Variants in PARVB observed in about 807,000 individuals in gnomAD.
PARVB encodes parvin beta.
PARVB carries 46 observed loss-of-function variants against 47.0 expected under a neutral mutation model. The observed-to-expected ratio is 0.98, with a 90% CI of 0.77 to 1.25. The LOEUF (loss-of-function observed/expected upper bound fraction) is 1.25. PARVB is among the 50% of genes most tolerant of loss of function. The pLI is 0.00. For missense variants in PARVB, 473 were observed against 471.6 expected (o/e 1.00, Z -0.03); for synonymous variants, 196 against 196.3 (o/e 1.00, Z 0.01).
At chr22:44,064,203 G>C (rs544257734) in intron 1 of PARVB, among the ~76,000 whole-genome samples, 4 of 152,324 alleles carry the variant, frequency 2.6e-5, no homozygotes, top group African/African-American at 7.2e-5. Flanking sequence ...ACCAGCCCTC[G>C]GTGCAGCCAG....
chr22:44,041,487 C>G (rs892826617), intron 1 of PARVB, among the ~76,000 whole-genome samples: 1 of 151,738 alleles, frequency 6.6e-6, no homozygotes, highest in East Asian at 1.9e-4. Context: ...GCAAGACTCC[C>G]TCTCAAAAAA....
At chr22:44,024,180 C>A, upstream of PARVB, 1 of 228,918 alleles carries the variant, frequency 4.4e-6, no homozygotes, top group Non-Finnish European at 7.2e-6. Flanking sequence ...CCGGGACCAG[C>A]AGGCCTCGGG....
At chr22:44,042,114 G>T (rs547272287) in intron 1 of PARVB, among the ~76,000 whole-genome samples, 30 of 152,142 alleles carry the variant, frequency 2.0e-4, no homozygotes, top group African/African-American at 7.0e-4. Context: ...CATATTGGGA[G>T]AATTGCTTTC....
chr22:44,024,546 C>A, intron 1 of PARVB, 95 bp downstream of exon 1: 1 of 475,916 alleles, frequency 2.1e-6, no homozygotes, highest in Non-Finnish European at 2.9e-6. Context: ...CCGCCCTCCC[C>A]CACGCACCCC....
chr22:44,074,096 C>T (rs1459114970), intron 1 of PARVB, among the ~76,000 whole-genome samples: 1 of 152,152 alleles, frequency 6.6e-6, no homozygotes. Context: ...AACAGAATGG[C>T]CGACTCTGAG....
chr22:44,071,426 TTC>T (rs1166143466), intron 1 of PARVB, among the ~76,000 whole-genome samples: 2 of 152,218 alleles, frequency 1.3e-5, no homozygotes, highest in Non-Finnish European at 2.9e-5. Flanking sequence ...GAATGTGTTT[TTC>T]TCTGTCTGAA....
intron 2 of PARVB, among the ~76,000 whole-genome samples, chr22:44,014,995 T>C (rs2050560837): frequency 6.6e-6 from 1 of 151,964 alleles, no homozygotes; most frequent in South Asian, 2.1e-4. Flanking sequence ...GGATTGTAGG[T>C]GCCCGCCACC....
rs149835690 is a variant in PARVB at position 44,139,441 on chromosome 22, T to TTTTG, written c.693-663_693-660dup. 5 of 152,640 alleles carry TTTTG rather than the reference T, an allele frequency of 3.3e-5. No individual in the cohort carries two copies. The South Asian group carries it at 6.2e-4, about 19-fold the overall frequency. The allele number at this position is 152,640 out of a possible 1,614,324, so 9.5% of individuals were successfully genotyped here. Reference sequence around the variant, plus strand: ...TCTCCAGCCTTGCATTTTTTTATTGTTTTGTTTGTTTGTTTGTTTGTTTTT... The same window carrying TTTTG: ...TCTCCAGCCTTGCATTTTTTTATTGTTTTGTTTGTTTGTTTGTTTGTTTGTTTTT... On this transcript the variant is annotated intron_variant, in intron 7 of 12. Transcript: ENST00000338758.
At chr22:44,138,134 C>T (rs1379024328) in intron 7 of PARVB, among the ~76,000 whole-genome samples, 1 of 152,206 alleles carries the variant, frequency 6.6e-6, no homozygotes, top group African/African-American at 2.4e-5. Context: ...TGCCAGCCTC[C>T]TTGCTGGATC....
chr22:44,158,036 G>A lies in PARVB; in HGVS notation c.898G>A (p.Val300Ile). Residue 300 changes from valine (V) to isoleucine (I), a missense_variant, in exon 11 of 13, where the codon GTT (valine) becomes ATT (isoleucine). By Grantham distance (29) the Val-to-Ile change is conservative. Transcript: ENST00000338758. ...CATGGGCCTTCTGGAAGACTACTTTGTTCCTCTCCACCACTTCTACCTGAC... is the reference window on the plus strand; with the variant it reads ...CATGGGCCTTCTGGAAGACTACTTTATTCCTCTCCACCACTTCTACCTGAC... Reference protein sequence around the residue: ...LLMGLLEDYFVPLHHFYLTPE... With the variant: ...LLMGLLEDYFIPLHHFYLTPE... The A allele has an allele frequency of 6.2e-7, 1 of 1,614,050 alleles. No individual in the cohort carries two copies. Among genetic ancestry groups the A allele is most frequent in the Non-Finnish European group, 8.5e-7 (1 of 1,179,960 alleles).
chr22:44,153,634 G>C (rs1337785116), intron 10 of PARVB: 3 of 152,084 alleles, frequency 2.0e-5, no homozygotes, highest in Non-Finnish European at 4.4e-5. Context: ...TATGCACAAA[G>C]GTATTTTTCT....
At chr22:44,058,980 TG>T (rs11296449) in intron 1 of PARVB, among the ~76,000 whole-genome samples, 46,370 of 146,830 alleles carry the variant, frequency 0.32, 7,882 homozygotes, top group African/African-American at 0.41. Flanking sequence ...GAGGGTGTGA[TG>T]GGGGGGGGAA....
chr22:44,140,471 G>C (rs775293961), intron 8 of PARVB: 2 of 648,646 alleles, frequency 3.1e-6, no homozygotes, highest in Non-Finnish European at 2.9e-6. Flanking sequence ...GGGTAAAAGG[G>C]AGGGAGGAGA....
intron 8 of PARVB, chr22:44,145,470 C>A (rs35949543): frequency 0.3 from 44,925 of 152,262 alleles, 7,054 homozygotes; most frequent in East Asian, 0.56. Flanking sequence ...AACCTGGGCT[C>A]TGCGGCTCCC....
intron 1 of PARVB, among the ~76,000 whole-genome samples, chr22:44,076,789 G>A (rs1195501550): frequency 6.6e-6 from 1 of 152,078 alleles, no homozygotes; most frequent in Non-Finnish European, 1.5e-5. Context: ...CATGGAGGAG[G>A]TGGCCTGCCC....
At chr22:44,165,915 C>T (rs1300920763) in intron 12 of PARVB, among the ~76,000 whole-genome samples, 1 of 152,218 alleles carries the variant, frequency 6.6e-6, no homozygotes, top group South Asian at 2.1e-4. Context: ...TCTGGTGGGT[C>T]GCACACTGTC....
At chr22:44,090,679 C>T (rs1163436774) in intron 1 of PARVB, among the ~76,000 whole-genome samples, 2 of 152,224 alleles carry the variant, frequency 1.3e-5, no homozygotes, top group Non-Finnish European at 2.9e-5. Flanking sequence ...AGAGGACTCT[C>T]GGGCGTAGCC....
chr22:44,131,736 A>G (rs2147160977), intron 5 of PARVB, 109 bp downstream of exon 5: 4 of 1,277,484 alleles, frequency 3.1e-6, no homozygotes, highest in Non-Finnish European at 4.3e-6. Flanking sequence ...CTGGCCTTGC[A>G]TCTTAAAATT....
chr22:44,101,266 G>A (rs1235704467), intron 3 of PARVB, among the ~76,000 whole-genome samples: 2 of 151,870 alleles, frequency 1.3e-5, no homozygotes, highest in East Asian at 1.9e-4. Flanking sequence ...AAAATTAGCC[G>A]GGCGAGGTGG....
Sources: gnomAD v4.1 joint callset for allele counts (sites outside exome capture counted in the v4.1 genomes callset) on GRCh38, gnomAD v4.1.1 for gene constraint, MANE v1.5 for transcripts, NCBI Gene and HGNC (gene_info 2026-07-23, HGNC 2026-07-21) for gene names.